Variants in ZNF75D observed in about 807,000 individuals in gnomAD.
The protein encoded by ZNF75D is zinc finger protein 75D, also known as zinc finger protein 75.
A neutral mutation model predicts 33.3 loss-of-function variants in ZNF75D; 33 were observed. That is an observed-to-expected ratio of 0.99 (90% CI 0.75 to 1.32). The LOEUF (loss-of-function observed/expected upper bound fraction) is 1.32. Ranked by LOEUF, ZNF75D falls within the 40% of genes most tolerant of loss-of-function variation. ZNF75D has a pLI of 0.00. For synonymous variants in ZNF75D, 113 were observed against 130.6 expected (o/e 0.87, Z 0.92); for missense variants, 338 against 367.5 (o/e 0.92, Z 0.66).
intron 1 of ZNF75D, among the ~76,000 whole-genome samples, chrX:135,314,157 A>ATGCTCC (rs1316058726): frequency 8.9e-6 from 1 of 111,832 alleles, no homozygotes; most frequent in Non-Finnish European, 1.9e-5. Context: ...GTTTTGAGAT[A>ATGCTCC]TGCTCCCTCC....
chrX:135,279,876 G>A (rs782372115), intron 1 of ZNF75D, among the ~76,000 whole-genome samples: 48 of 111,404 alleles, frequency 4.3e-4, no homozygotes, highest in East Asian at 5.6e-4. Context: ...ATTATTTCGC[G>A]TTTACTGAGG....
intron 1 of ZNF75D, among the ~76,000 whole-genome samples, chrX:135,270,352 CAT>C (rs530211370): frequency 0.042 from 2,630 of 63,131 alleles, 39 homozygotes; most frequent in Middle Eastern, 0.069. Context: ...CAAAATATCT[CAT>C]ATATATATAT....
At chrX:135,261,347 A>G (rs1556415468) in intron 1 of ZNF75D, among the ~76,000 whole-genome samples, 1 of 112,016 alleles carries the variant, frequency 8.9e-6, no homozygotes, top group Admixed American at 9.4e-5. Context: ...GGTCCTGGAT[A>G]TCCTTGTTAA....
intron 1 of ZNF75D, among the ~76,000 whole-genome samples, chrX:135,326,098 C>T (rs1458648187): frequency 1.0e-5 from 1 of 96,357 alleles, no homozygotes; most frequent in African/African-American, 4.0e-5. Flanking sequence ...ATACACCAAT[C>T]GGCATTCTGT....
intron 1 of ZNF75D, among the ~76,000 whole-genome samples, chrX:135,325,583 G>A (rs1556436926): frequency 1.8e-5 from 2 of 112,644 alleles, no homozygotes; most frequent in African/African-American, 6.4e-5. Context: ...GGGCAATGAG[G>A]GACGTAGCAC....
chrX:135,298,358 G>A (rs2084164645), intron 1 of ZNF75D: 1 of 111,864 alleles, frequency 8.9e-6, no homozygotes, highest in South Asian at 3.7e-4. Flanking sequence ...ATGATGTGCT[G>A]TGAGACAGAG....
chrX:135,267,197 C>T (rs944215910), intron 1 of ZNF75D, among the ~76,000 whole-genome samples: 1 of 111,186 alleles, frequency 9.0e-6, no homozygotes, highest in Non-Finnish European at 1.9e-5. Flanking sequence ...AATGATGCAT[C>T]TTAAAGAACT....
intron 1 of ZNF75D, among the ~76,000 whole-genome samples, chrX:135,265,279 G>T (rs2083859081): frequency 9.0e-6 from 1 of 110,545 alleles, no homozygotes; most frequent in Admixed American, 9.6e-5. Flanking sequence ...GACAGGGGTA[G>T]AAAGTTCATT....
chrX:135,281,777 G>C (rs781879389), downstream of ZNF75D, among the ~76,000 whole-genome samples: 1 of 112,292 alleles, frequency 8.9e-6, no homozygotes, highest in Non-Finnish European at 1.9e-5. Flanking sequence ...GTTTGCTGGA[G>C]GTCCAATCCA....
intron 1 of ZNF75D, among the ~76,000 whole-genome samples, chrX:135,303,411 A>G (rs947904496): frequency 1.8e-5 from 2 of 111,709 alleles, no homozygotes; most frequent in African/African-American, 6.5e-5. Flanking sequence ...GCGGCCTACC[A>G]CAGTGTTTTG....
chrX:135,317,632 C>T (rs1264862020), intron 1 of ZNF75D, among the ~76,000 whole-genome samples: 2 of 110,540 alleles, frequency 1.8e-5, no homozygotes, highest in African/African-American at 3.3e-5. Flanking sequence ...TGGAAACTGG[C>T]CCACAGGTAG....
chrX:135,335,999 A>G (rs1274517728), intron 1 of ZNF75D, among the ~76,000 whole-genome samples: 2 of 112,514 alleles, frequency 1.8e-5, no homozygotes, highest in South Asian at 3.7e-4. Context: ...TCATTAAGAA[A>G]AAGTAACCTT....
At position 135,258,084 on chromosome X, in the gene ZNF75D, T is replaced by C. The variant is rs781859361; in HGVS notation, n.828-2307A>G. 5.6e-5 allele frequency among the ~76,000 whole-genome samples: 6 copies of C among 107,570 alleles called. No homozygotes were observed. In the East Asian group the frequency reaches 1.7e-3, roughly 31 times the overall value. 93.4% of individuals were successfully genotyped at this position (107,570 alleles called of 115,157 possible). ...AGTGTTTGGTTTTCTGTCCTTGTGA[T>C]ACTTTGCTGAGAATGATGGTTTCCA... is the stretch of plus-strand genomic sequence containing the variant. On this transcript the variant is annotated intron_variant and non_coding_transcript_variant, in intron 1 of 3. Coordinates refer to the ZNF75D transcript ENST00000494295.
exon 4 of ZNF75D, chrX:135,249,128 G>A (rs1179450639): frequency 7.7e-5 from 25 of 323,806 alleles, no homozygotes; most frequent in African/African-American, 6.7e-4. Flanking sequence ...TTCCCAAGCT[G>A]TCTACTGAGT....
intron 1 of ZNF75D, among the ~76,000 whole-genome samples, chrX:135,307,690 C>A (rs782723309): frequency 8.9e-6 from 1 of 112,221 alleles, no homozygotes; most frequent in East Asian, 2.8e-4. Context: ...TGGAGTTCCA[C>A]TGCTCTGAGC....
intron 1 of ZNF75D, chrX:135,297,867 T>A (rs979410771): frequency 3.6e-5 from 4 of 112,206 alleles, no homozygotes; most frequent in African/African-American, 1.3e-4. Flanking sequence ...AAACTGGAAG[T>A]CTGACATCAG....
intron 2 of ZNF75D, among the ~76,000 whole-genome samples, 189 bp from the exon 3 acceptor site, chrX:135,294,447 T>C (rs1283605520): frequency 8.9e-6 from 1 of 112,148 alleles, no homozygotes; most frequent in Non-Finnish European, 1.9e-5. Context: ...CTTTTCTTTG[T>C]TTTTCAACTT....
chrX:135,315,066 T>C (rs1392562306), intron 1 of ZNF75D, among the ~76,000 whole-genome samples: 2 of 112,396 alleles, frequency 1.8e-5, no homozygotes, highest in Non-Finnish European at 1.9e-5. Context: ...TTTTTCAATG[T>C]AGCCTTTATT....
At chrX:135,309,136 T>G (rs1556426729) in intron 1 of ZNF75D, among the ~76,000 whole-genome samples, 2 of 111,414 alleles carry the variant, frequency 1.8e-5, no homozygotes, top group Admixed American at 1.9e-4. Flanking sequence ...TAGAATTGAG[T>G]TAAAATTAAT....
Sources: allele counts gnomAD v4.1 joint callset (sites outside exome capture counted in the v4.1 genomes callset), GRCh38; gene constraint gnomAD v4.1.1; transcripts MANE v1.5; gene names NCBI Gene and HGNC (gene_info 2026-07-23, HGNC 2026-07-21).